The following PRUNE2 variants were observed in gnomAD, a reference collection of about 807,000 sequenced individuals.
PRUNE2 encodes protein prune homolog 2.
In PRUNE2, 164 loss-of-function variants were observed where a neutral mutation model predicts 252.0. The observed-to-expected ratio is 0.65, with a 90% CI of 0.57 to 0.74. The LOEUF is 0.74. PRUNE2 is among the 30% of genes least tolerant of loss of function. The probability of loss-of-function intolerance (pLI) is 0.00; values close to 1 mark genes in which losing one functional copy is unlikely to be tolerated. For synonymous variants in PRUNE2, 1,292 were observed against 1,350.2 expected (o/e 0.96, Z 0.94); for missense variants, 3,495 against 3,711.0 (o/e 0.94, Z 1.51).
At chr9:76,864,384 A>G (rs2132883514) in intron 1 of PRUNE2, among the ~76,000 whole-genome samples, 1 of 152,292 alleles carries the variant, frequency 6.6e-6, no homozygotes, top group South Asian at 2.1e-4. Flanking sequence ...TCTGTATCCT[A>G]AACCTCAGCA....
chr9:76,673,777 C>T (rs2041993058), intron 9 of PRUNE2, among the ~76,000 whole-genome samples: 1 of 150,428 alleles, frequency 6.6e-6, no homozygotes. Flanking sequence ...TGTAATCCAG[C>T]ATATAAACAG....
intron 6 of PRUNE2, among the ~76,000 whole-genome samples, chr9:76,762,929 A>T (rs2051894537): frequency 6.6e-6 from 1 of 152,204 alleles, no homozygotes. Context: ...CAATTTTTTT[A>T]AAACAGACAA....
chr9:76,782,239 G>C (rs754542269), intron 6 of PRUNE2, among the ~76,000 whole-genome samples: 6 of 151,936 alleles, frequency 3.9e-5, no homozygotes, highest in Admixed American at 1.3e-4. Flanking sequence ...AGAAAGCATT[G>C]GGAAAGCCTA....
At position 76,823,642 on chromosome 9, in the gene PRUNE2, A is replaced by G; in HGVS notation, c.746T>C (p.Met249Thr). ...EIKVAISTVS[M>T]NLENCLFHSN... ...CATTCCCACCCTTACCTCAAGGTTC[A>G]TGCTCACAGTACTAATGGCCACTTT... Residue 249 changes from methionine to threonine, a missense_variant, in exon 6 of 19, where the codon ATG becomes ACG. Met to Thr is a moderately conservative substitution (Grantham distance 81). Transcript: ENST00000376718. The G allele has an allele frequency of 6.2e-7, 1 of 1,600,332 alleles. No individual in the cohort carries two copies. Among genetic ancestry groups the G allele is most frequent in the Non-Finnish European group, 8.6e-7 (1 of 1,167,412 alleles).
intron 6 of PRUNE2, among the ~76,000 whole-genome samples, chr9:76,776,087 C>T (rs752415396): frequency 6.6e-6 from 1 of 152,180 alleles, no homozygotes; most frequent in Non-Finnish European, 1.5e-5. Context: ...GAGTAATCAA[C>T]TCATGAGTAA....
intron 4 of PRUNE2, among the ~76,000 whole-genome samples, chr9:76,841,706 C>T (rs1282391799): frequency 6.6e-6 from 1 of 152,230 alleles, no homozygotes; most frequent in Admixed American, 6.5e-5. Flanking sequence ...GCAGAGCCCA[C>T]CACAGCACTG....
At chr9:76,754,439 T>C (rs1473965100) in intron 6 of PRUNE2, among the ~76,000 whole-genome samples, 1 of 152,238 alleles carries the variant, frequency 6.6e-6, no homozygotes, top group African/African-American at 2.4e-5. Flanking sequence ...CATCTATCCA[T>C]GAACGTCCCT....
chr9:76,687,990 T>C (rs1242617199), intron 9 of PRUNE2, among the ~76,000 whole-genome samples: 1 of 152,234 alleles, frequency 6.6e-6, no homozygotes, highest in Non-Finnish European at 1.5e-5. Context: ...TGAACTCTCC[T>C]GTTCTTTTTC....
At position 76,706,994 on chromosome 9, in the gene PRUNE2, T is replaced by C. The variant is rs367603199; in HGVS notation, c.5280A>G (p.Gln1760=). The change falls in exon 8 of 19, where the codon CAA becomes CAG. Residue 1760 remains glutamine, a synonymous_variant. Transcript: ENST00000376718. ...ENKSNPFCDN[Q]QSSPDPWTFS... ...AAGTCCAGGGATCAGGGCTGCTTTG[T>C]TGATTGTCACAGAATGGGTTTGACT... 35 of 1,614,058 alleles carry C rather than the reference T, an allele frequency of 2.2e-5. No individual in the cohort carries two copies. The highest frequency in any genetic ancestry group is 2.0e-4 in the East Asian group (9 of 44,882).
At chr9:76,763,190 A>T (rs1169796987) in intron 6 of PRUNE2, among the ~76,000 whole-genome samples, 1 of 152,224 alleles carries the variant, frequency 6.6e-6, no homozygotes, top group Non-Finnish European at 1.5e-5. Context: ...CTGCACTGGA[A>T]GTCAAGTCAA....
Position 76,711,209 on chromosome 9 carries a change from C to A in PRUNE2, c.1065G>T (p.Arg355Ser), listed in dbSNP as rs750615307. ...TATTGGAGACCATCTCTGGACACCT[C>A]CTGTTGATGACTTCCTTGACAACGA... ...VVLVVKEVIN[R>S]RCPEMVSNSR... The change falls in exon 8 of 19, where the codon AGG (arginine) becomes AGT (serine). Residue 355 changes from arginine to serine, a missense_variant. By Grantham distance (110) the Arg-to-Ser change is moderately radical. Transcript: ENST00000376718. The A allele has an allele frequency of 1.2e-6, 2 of 1,613,942 alleles. No homozygotes were observed. The highest frequency in any genetic ancestry group is 1.7e-6 in the Non-Finnish European group (2 of 1,179,878).
intron 5 of PRUNE2, among the ~76,000 whole-genome samples, chr9:76,825,889 C>T (rs11792292): frequency 0.13 from 19,235 of 152,278 alleles, 1,328 homozygotes; most frequent in East Asian, 0.18. Flanking sequence ...GTTTCTTCAA[C>T]ATAGCCATCT....
intron 8 of PRUNE2, 109 bp downstream of exon 8, chr9:76,704,652 G>C: frequency 1.3e-6 from 1 of 772,662 alleles, no homozygotes; most frequent in Non-Finnish European, 2.1e-6. Flanking sequence ...TGAAAATGTA[G>C]TTAGTTTTCT....
intron 1 of PRUNE2, among the ~76,000 whole-genome samples, chr9:76,858,915 T>C (rs2060407367): frequency 6.6e-6 from 1 of 152,140 alleles, no homozygotes; most frequent in African/African-American, 2.4e-5. Context: ...AAATAATTAT[T>C]GCCTAATGTA....
intron 6 of PRUNE2, among the ~76,000 whole-genome samples, chr9:76,811,250 T>C (rs536307581): frequency 1.3e-5 from 2 of 152,244 alleles, no homozygotes; most frequent in South Asian, 4.1e-4. Flanking sequence ...GTCCTGAGGG[T>C]TTCCCTTCTC....
At position 76,826,603 on chromosome 9, in the gene PRUNE2, T is replaced by A; in HGVS notation, c.638A>T (p.Gln213Leu). 20 of 1,609,394 alleles carry A rather than the reference T, an allele frequency of 1.2e-5. No homozygotes were observed. Among genetic ancestry groups the A allele is most frequent in the Non-Finnish European group, 1.7e-5 (20 of 1,177,340 alleles). ...PPREDIINVL[Q>L]ETQFSAQGLS... is the part of the protein sequence containing the mutation. ...ACCCTGAGCACTGAACTGGGTCTCC[T>A]GTAGGACGTTGATGATGTCCTCTCT... Residue 213 changes from glutamine (Q) to leucine (L), a missense_variant, in exon 5 of 19, where the codon CAG (glutamine) becomes CTG (leucine). Gln to Leu is a moderately radical substitution (Grantham distance 113). Transcript: ENST00000376718.
intron 6 of PRUNE2, among the ~76,000 whole-genome samples, chr9:76,730,796 G>A (rs920544335): frequency 1.3e-5 from 2 of 152,142 alleles, no homozygotes; most frequent in Non-Finnish European, 1.5e-5. Context: ...CCAGCTATTC[G>A]GGAGGCTGAG....
chr9:76,724,931 C>T (rs770660317), intron 6 of PRUNE2, among the ~76,000 whole-genome samples: 2 of 152,032 alleles, frequency 1.3e-5, no homozygotes, highest in African/African-American at 2.4e-5. Context: ...GTAATGAAAC[C>T]CCGCTCATTA....
chr9:76,849,857 A>AC (rs2059862263), intron 3 of PRUNE2, among the ~76,000 whole-genome samples: 5 of 151,896 alleles, frequency 3.3e-5, no homozygotes, highest in Admixed American at 3.3e-4. Flanking sequence ...ACAAAACAAA[A>AC]AACCCCCTAT....
Sources: allele counts gnomAD v4.1 joint callset (sites outside exome capture counted in the v4.1 genomes callset), GRCh38; gene constraint gnomAD v4.1.1; transcripts MANE v1.5; gene names NCBI Gene and HGNC (gene_info 2026-07-23, HGNC 2026-07-21).